The following COL8A2 variants were observed in gnomAD, a reference collection of about 807,000 sequenced individuals.
COL8A2 encodes collagen alpha-2(VIII) chain.
In COL8A2, 16 loss-of-function variants were observed where a neutral mutation model predicts 24.0. That is an observed-to-expected ratio of 0.67 (90% CI 0.45 to 1.01). The LOEUF (loss-of-function observed/expected upper bound fraction) is 1.01. COL8A2 is among the 50% of genes least tolerant of loss of function. The pLI is 0.00. For missense variants in COL8A2, 818 were observed against 942.4 expected, an observed-to-expected ratio of 0.87 and a Z score of 1.73; for synonymous variants, 466 against 424.5, an observed-to-expected ratio of 1.10 and a Z score of -1.20.
At chr1:36,120,417 C>T (rs1643902494) in intron 1 of COL8A2, among the ~76,000 whole-genome samples, 1 of 152,058 alleles carries the variant, frequency 6.6e-6, no homozygotes, top group Non-Finnish European at 1.5e-5. Context: ...TGCACCACTG[C>T]ACTCCAGCCT....
In COL8A2 at chr1:36,123,295, GC is replaced by G. The variant is rs1643927473; in HGVS notation, c.-62+1761del. ...TGAGAGTTCTGGAGCGGGCTGGGGGGCCAGCAGGGCAAGGAAGCTGGGGCTG... is the reference window on the plus strand; with the variant it reads ...TGAGAGTTCTGGAGCGGGCTGGGGGGCAGCAGGGCAAGGAAGCTGGGGCTG... On this transcript the variant is annotated intron_variant, in intron 1 of 3. Coordinates refer to ENST00000397799, the MANE Select transcript of COL8A2 (RefSeq NM_005202.4). This position sits in a 1 kb window ranked among gnomAD's most constrained non-coding sequence, Gnocchi z 4.1. Among the ~76,000 whole-genome samples, 2 of 152,252 alleles carry G rather than the reference GC, an allele frequency of 1.3e-5. No homozygotes were observed. The highest frequency in any genetic ancestry group is 4.1e-4 in the South Asian group (2 of 4,836).
At chr1:36,099,615 T>G (rs1367662586) in intron 3 of COL8A2, 128 bp from the exon 4 acceptor site, 3 of 746,236 alleles carry the variant, frequency 4.0e-6, no homozygotes, top group Non-Finnish European at 6.7e-6. Context: ...CTTCCTGCTC[T>G]CATGGAAGAT....
intron 1 of COL8A2, among the ~76,000 whole-genome samples, chr1:36,124,798 G>A (rs1199199564): frequency 1.3e-5 from 2 of 152,092 alleles, no homozygotes; most frequent in African/African-American, 4.8e-5. Flanking sequence ...ACTGTCTTAT[G>A]CTGGAGCCCT....
chr1:36,104,574 G>A (rs1243765139), intron 2 of COL8A2, among the ~76,000 whole-genome samples: 2 of 152,078 alleles, frequency 1.3e-5, no homozygotes, highest in South Asian at 2.1e-4. Flanking sequence ...TTGGGAGGCC[G>A]AGGCGGGCGG....
At chr1:36,110,655 C>A (rs574529553) in intron 2 of COL8A2, among the ~76,000 whole-genome samples, 113 of 152,168 alleles carry the variant, frequency 7.4e-4, no homozygotes, top group Non-Finnish European at 1.2e-3. Context: ...TCACACCCAG[C>A]TATTTTTTGT....
chr1:36,098,875 AC>A lies in COL8A2; in HGVS notation c.805del (p.Val269TrpfsTer9), dbSNP rs776709115. On this transcript the variant is annotated frameshift_variant, in exon 4 of 4. Coordinates refer to ENST00000397799, the MANE Select transcript of COL8A2 (RefSeq NM_005202.4). LOFTEE classifies it low-confidence loss of function (END_TRUNC). ...TACTCCAGGAGGTCCTTTTGGGCCCACAGCTCCTGGCTCCCCCCTGGGGCCT... is the reference window on the plus strand; with the variant it reads ...TACTCCAGGAGGTCCTTTTGGGCCCAAGCTCCTGGCTCCCCCCTGGGGCCT... ...VPGPRGEPGA[V>X]GPKGPPGVDG... 1.2e-6 allele frequency: 2 copies of A among 1,611,938 alleles called. No homozygotes were observed. Among genetic ancestry groups the A allele is most frequent in the East Asian group, 4.5e-5 (2 of 44,780 alleles).
At chr1:36,124,163 G>C (rs538587988) in intron 1 of COL8A2, among the ~76,000 whole-genome samples, 52 of 152,302 alleles carry the variant, frequency 3.4e-4, no homozygotes, top group Middle Eastern at 6.8e-3. Flanking sequence ...CAGGAGGGAT[G>C]ATTTCTGGTT....
chr1:36,112,350 A>G (rs569853838), intron 2 of COL8A2, among the ~76,000 whole-genome samples: 2 of 152,214 alleles, frequency 1.3e-5, no homozygotes, highest in South Asian at 2.1e-4. Flanking sequence ...CCTTTCTTAC[A>G]GGAAACCCTC....
rs780907474 is a variant in COL8A2 at position 36,098,983 on chromosome 1, G to A, written c.698C>T (p.Pro233Leu). The A allele has an allele frequency of 1.2e-6, 2 of 1,601,202 alleles. No homozygotes were observed. The highest frequency in any genetic ancestry group is 1.7e-5 in the Admixed American group (1 of 59,106). Residue 233 changes from proline to leucine, a missense_variant, in exon 4 of 4, where the codon CCA becomes CTA. Physicochemically the swap from Pro to Leu is moderately conservative, Grantham distance 98. Coordinates refer to ENST00000397799, the MANE Select transcript of COL8A2 (RefSeq NM_005202.4). ...GAPGPPGLPG[P>L]AGLGKPGLDG... ...CAAACCAGGTTTGCCTAAGCCAGCT[G>A]GACCAGGGAGGCCGGGGGGGCCGGG...
rs1643622685 is a variant in COL8A2, at chr1:36,098,860, G to T, written c.821C>A (p.Pro274His). 3 of 1,612,420 alleles carry T rather than the reference G, an allele frequency of 1.9e-6. No individual in the cohort carries two copies. In the East Asian group the frequency reaches 6.7e-5, roughly 36 times the overall value. Residue 274 changes from proline to histidine, a missense_variant, in exon 4 of 4, where the codon CCT becomes CAT. Coordinates refer to ENST00000397799, the MANE Select transcript of COL8A2 (RefSeq NM_005202.4). ...GACTCCCACACCGTCTACTCCAGGA[G>T]GTCCTTTTGGGCCCACAGCTCCTGG... Reference protein sequence around the residue: ...GEPGAVGPKGPPGVDGVGVPG... With the variant: ...GEPGAVGPKGHPGVDGVGVPG...
At chr1:36,101,644 A>G (rs1481912105) in intron 2 of COL8A2, among the ~76,000 whole-genome samples, 2 of 152,254 alleles carry the variant, frequency 1.3e-5, no homozygotes, top group African/African-American at 2.4e-5. Flanking sequence ...GTGAATGTTC[A>G]TAATAGCGAT....
chr1:36,098,110 G>C lies in COL8A2; in HGVS notation c.1571C>G (p.Pro524Arg), dbSNP rs1348182331. 1 of 1,502,826 alleles carries C rather than the reference G, an allele frequency of 6.7e-7. No homozygotes were observed. Among genetic ancestry groups the C allele is most frequent in the Admixed American group, 2.4e-5 (1 of 42,454 alleles). 93.1% of individuals were successfully genotyped at this position (1,502,826 alleles called of 1,614,324 possible). A position where few individuals can be genotyped will look rare whatever the true frequency, so the allele number is the denominator to read the frequency against. ...GGCACCAGGGGGTCCCGGGGGCCCG[G>C]GAGGCCCCGGAGGGCCCGTGATTCC... ...SPGITGPPGPPGPPGPPGAPG... is the reference protein window; with the variant it reads ...SPGITGPPGPRGPPGPPGAPG... Residue 524 changes from proline (P) to arginine (R), a missense_variant, in exon 4 of 4, where the codon CCC (proline) becomes CGC (arginine). This residue lies in a region of COL8A2 where 235 missense variants were observed against 297.3 expected (regional missense o/e 0.79). Coordinates refer to ENST00000397799, the MANE Select transcript of COL8A2 (RefSeq NM_005202.4).
chr1:36,117,588 G>A (rs952806363), intron 1 of COL8A2, among the ~76,000 whole-genome samples: 15 of 152,302 alleles, frequency 9.8e-5, no homozygotes, highest in South Asian at 2.1e-4. Context: ...GCCAGGTACC[G>A]TTCTGGGTGT....
In COL8A2 at chr1:36,098,880, TCCTGGCTCCCC is replaced by T; in HGVS notation, c.790_800del (p.Gly264SerfsTer74). 6.2e-7 allele frequency: 1 copy of T among 1,611,884 alleles called. No individual in the cohort carries two copies. Among genetic ancestry groups the T allele is most frequent in the Non-Finnish European group, 8.5e-7 (1 of 1,179,544 alleles). ...CAGGAGGTCCTTTTGGGCCCACAGC[TCCTGGCTCCCC>T]CCTGGGGCCTGGAACTCCAGGAGGC... On this transcript the variant is annotated frameshift_variant, in exon 4 of 4. Coordinates refer to ENST00000397799, the MANE Select transcript of COL8A2 (RefSeq NM_005202.4). LOFTEE classifies it low-confidence loss of function (END_TRUNC).
chr1:36,115,854 G>A lies in COL8A2; in HGVS notation c.-61-102C>T. 3 of 612,186 alleles carry A rather than the reference G, an allele frequency of 4.9e-6. No individual in the cohort carries two copies. Among genetic ancestry groups the A allele is most frequent in the Non-Finnish European group, 6.1e-6 (3 of 489,094 alleles). The allele number at this position is 612,186 out of a possible 1,614,324, so 37.9% of individuals were successfully genotyped here. ...AGGTGGGAAGACTGCTTGAGCCCAG[G>A]AGTTTGAGACCAGCCTGGGCAACAT... On this transcript the variant is annotated intron_variant, in intron 1 of 3. Coordinates refer to ENST00000397799, the MANE Select transcript of COL8A2 (RefSeq NM_005202.4). This position sits in a 1 kb window ranked among gnomAD's most constrained non-coding sequence, Gnocchi z 5.7.
At chr1:36,124,429 G>A (rs1295349088) in intron 1 of COL8A2, among the ~76,000 whole-genome samples, 1 of 152,052 alleles carries the variant, frequency 6.6e-6, no homozygotes, top group African/African-American at 2.4e-5. Context: ...TGGCCAGGCA[G>A]CGGCCCCTCA....
In COL8A2 at chr1:36,098,171, C is replaced by G. The variant is rs1289462460; in HGVS notation, c.1510G>C (p.Gly504Arg). Residue 504 changes from glycine (G) to arginine (R), a missense_variant, in exon 4 of 4, where the codon GGG (glycine) becomes CGG (arginine). By Grantham distance (125) the Gly-to-Arg change is moderately radical. Transcript: ENST00000397799. ...EGRAGEPGTA[G>R]PTGPPGVPGS... ...GGGACCCCTGGGGGCCCCGTGGGCC[C>G]AGCCGTGCCAGGTTCCCCTGCTCTC... The G allele has an allele frequency of 6.6e-7, 1 of 1,507,886 alleles. No homozygotes were observed. The highest frequency in any genetic ancestry group is 1.2e-5 in the South Asian group (1 of 81,484). 93.4% of individuals were successfully genotyped at this position (1,507,886 alleles called of 1,614,324 possible).
intron 2 of COL8A2, among the ~76,000 whole-genome samples, chr1:36,100,492 C>T (rs1434607762): frequency 6.6e-6 from 1 of 152,178 alleles, no homozygotes; most frequent in Non-Finnish European, 1.5e-5. Context: ...TCACCCCCAC[C>T]ATCTCCGAGA....
chr1:36,117,898 C>A (rs892722925), intron 1 of COL8A2, among the ~76,000 whole-genome samples: 2 of 151,864 alleles, frequency 1.3e-5, no homozygotes, highest in African/African-American at 4.8e-5. Flanking sequence ...GAATTTGAAC[C>A]CTGGCTGCAG....
Sources: gnomAD v4.1 joint callset for allele counts (sites outside exome capture counted in the v4.1 genomes callset) on GRCh38, gnomAD v4.1.1 for gene constraint, gnomAD v4.1.1 regional missense constraint, Gnocchi (gnomAD v3.1) non-coding constraint, MANE v1.5 for transcripts, NCBI Gene and HGNC (gene_info 2026-07-23, HGNC 2026-07-21) for gene names.